The following CCDC82 variants were observed in gnomAD, a reference collection of about 807,000 sequenced individuals.
The protein encoded by CCDC82 is coiled-coil domain containing 82, also known as coiled-coil domain-containing protein 82.
CCDC82 carries 47 observed loss-of-function variants against 60.6 expected under a neutral mutation model. The ratio of observed to expected loss-of-function variants is 0.77; its 90% confidence interval spans 0.61 to 0.99. The LOEUF (loss-of-function observed/expected upper bound fraction) is 0.99, where lower values mean the gene tolerates loss of function less well. Ranked by LOEUF, CCDC82 falls within the 50% of genes least tolerant of loss-of-function variation. The probability of loss-of-function intolerance (pLI) is 0.00; values close to 1 mark genes in which losing one functional copy is unlikely to be tolerated. For missense variants in CCDC82, 588 were observed against 633.0 expected, an observed-to-expected ratio of 0.93 and a Z score of 0.76; for synonymous variants, 212 against 207.4, an observed-to-expected ratio of 1.02 and a Z score of -0.19.
chr11:96,371,126 G>T lies in CCDC82; in HGVS notation c.1096C>A (p.Gln366Lys). 6.3e-7 allele frequency: 1 copy of T among 1,589,114 alleles called. No individual in the cohort carries two copies. Among genetic ancestry groups the T allele is most frequent in the South Asian group, 1.2e-5 (1 of 84,858 alleles). The change falls in exon 7 of 10, where the codon CAA becomes AAA. Residue 366 changes from glutamine (Q) to lysine (K), a missense_variant. Physicochemically the swap from Gln to Lys is moderately conservative, Grantham distance 53 (BLOSUM62 1). Coordinates refer to ENST00000646818, the MANE Select transcript of CCDC82 (RefSeq NM_024725.4). The stretch of plus-strand genomic sequence containing the variant: ...AGCATATCTTTTGCATATGATTTTT[G>T]CCTTGTGCCATCTGTTCAGGGGATA... ...FLGTLYDGTR[Q>K]KSYAKDMLTS...
At chr11:96,374,825 A>T (rs1489551252) in intron 5 of CCDC82, among the ~76,000 whole-genome samples, 1 of 152,162 alleles carries the variant, frequency 6.6e-6, no homozygotes. Flanking sequence ...GATATGTTAT[A>T]AGCAAGTAAT....
intron 9 of CCDC82, chr11:96,356,556 T>C (rs1346629396): frequency 2.0e-6 from 2 of 985,288 alleles, no homozygotes; most frequent in East Asian, 1.1e-4. Flanking sequence ...ATACACTTTC[T>C]TCTTAATGAA....
chr11:96,369,580 G>A (rs1692133464), intron 7 of CCDC82, among the ~76,000 whole-genome samples: 1 of 152,122 alleles, frequency 6.6e-6, no homozygotes, highest in Admixed American at 6.6e-5. Flanking sequence ...TGTAAATTAA[G>A]TTCACTATTA....
At chr11:96,377,659 T>A (rs1419695731) in intron 5 of CCDC82, among the ~76,000 whole-genome samples, 5 of 152,098 alleles carry the variant, frequency 3.3e-5, no homozygotes, top group Non-Finnish European at 7.4e-5. Context: ...TATATGACTT[T>A]TTCTCTATTG....
In CCDC82 at chr11:96,380,131, A is replaced by G. The variant is rs78675708; in HGVS notation, c.991+3138T>C. On this transcript the variant is annotated intron_variant, in intron 5 of 9. Coordinates refer to ENST00000646818, the MANE Select transcript of CCDC82 (RefSeq NM_024725.4). ...TATTTTGGCAATTAGGAGGGTATCA[A>G]TAACTTCAGTAAGAACAATTTCACT... Among the ~76,000 whole-genome samples the G allele has an allele frequency of 5.3e-3, 798 of 151,898 alleles. 9 individuals are homozygous for G. The highest frequency in any genetic ancestry group is 0.018 in the African/African-American group (763 of 41,512).
At position 96,371,059 on chromosome 11, in the gene CCDC82, C is replaced by T. The variant is rs751861324; in HGVS notation, c.1163G>A (p.Arg388His). The T allele has an allele frequency of 1.1e-5, 18 of 1,606,102 alleles. No homozygotes were observed. The highest frequency in any genetic ancestry group is 2.7e-5 in the African/African-American group (2 of 74,474). ...HYLDNRFVQP[R>H]LESLVSRSRW... The stretch of plus-strand genomic sequence containing the variant: ...ACTTCTAGATACCAAGCTCTCTAGA[C>T]GAGGCTGAACAAAGCGGTTATCCAA... Residue 388 changes from arginine to histidine, a missense_variant, in exon 7 of 10, where the codon CGT becomes CAT. Physicochemically the swap from Arg to His is conservative, Grantham distance 29. Coordinates refer to ENST00000646818, the MANE Select transcript of CCDC82 (RefSeq NM_024725.4).
rs1007671367 is a variant in CCDC82, at chr11:96,353,621, A to G, written c.*25T>C. The G allele has an allele frequency of 1.9e-6, 3 of 1,548,302 alleles. No individual in the cohort carries two copies. The African/African-American group carries it at 4.1e-5, about 21-fold the overall frequency. The stretch of plus-strand genomic sequence containing the variant: ...TGATCTTCACATTTACAGGAATTTA[A>G]AAAATCTTCTCTGATGGAAATGTGT... On this transcript the variant is annotated 3_prime_UTR_variant, in exon 10 of 10. Coordinates refer to ENST00000646818, the MANE Select transcript of CCDC82 (RefSeq NM_024725.4).
chr11:96,362,094 GAAGA>G (rs1244413459), intron 8 of CCDC82, among the ~76,000 whole-genome samples: 3 of 152,162 alleles, frequency 2.0e-5, no homozygotes, highest in South Asian at 2.1e-4. Flanking sequence ...TGCTAAAGCA[GAAGA>G]AAGAATCTCA....
chr11:96,359,235 T>C, intron 8 of CCDC82, 57 bp from the exon 9 acceptor site: 1 of 1,394,042 alleles, frequency 7.2e-7, no homozygotes, highest in South Asian at 1.6e-5. Context: ...TTTCTGGTTT[T>C]TGGATTTTCT....
chr11:96,372,711 C>T (rs1344948377), intron 6 of CCDC82, among the ~76,000 whole-genome samples: 1 of 140,172 alleles, frequency 7.1e-6, no homozygotes, highest in Non-Finnish European at 1.5e-5. Flanking sequence ...TATATATATA[C>T]ATATATATTT....
intron 6 of CCDC82, among the ~76,000 whole-genome samples, chr11:96,372,621 GAT>G (rs984049971): frequency 1.8e-4 from 26 of 141,252 alleles, no homozygotes; most frequent in African/African-American, 2.6e-4. Context: ...GAGAAATGGG[GAT>G]ATATATATAT....
intron 1 of CCDC82, 146 bp downstream of exon 1, chr11:96,389,698 G>C (rs1050305191): frequency 6.6e-6 from 1 of 152,424 alleles, no homozygotes; most frequent in Non-Finnish European, 1.5e-5. Flanking sequence ...GGCGTTCTCC[G>C]GCCCACCCAA....
At chr11:96,358,135 C>T in intron 9 of CCDC82, 1 of 986,256 alleles carries the variant, frequency 1.0e-6, no homozygotes, top group Non-Finnish European at 1.2e-6. Context: ...TACAAATTTC[C>T]CTATGATATA....
At chr11:96,378,771 G>C (rs1039334639) in intron 5 of CCDC82, among the ~76,000 whole-genome samples, 2 of 151,816 alleles carry the variant, frequency 1.3e-5, no homozygotes, top group Non-Finnish European at 2.9e-5. Flanking sequence ...GCATGCAATG[G>C]ACCACTGCTA....
intron 6 of CCDC82, among the ~76,000 whole-genome samples, chr11:96,372,135 C>A (rs1300460997): frequency 6.6e-6 from 1 of 152,076 alleles, no homozygotes; most frequent in East Asian, 1.9e-4. Context: ...TTCTTGAACA[C>A]ACCAAACTTA....
At chr11:96,366,997 T>A (rs1056972046) in intron 7 of CCDC82, among the ~76,000 whole-genome samples, 1 of 152,214 alleles carries the variant, frequency 6.6e-6, no homozygotes, top group Non-Finnish European at 1.5e-5. Flanking sequence ...CTAAAATGTA[T>A]GTAATTTAAA....
chr11:96,376,131 T>C (rs1013018595), intron 5 of CCDC82, among the ~76,000 whole-genome samples: 2 of 152,242 alleles, frequency 1.3e-5, no homozygotes, highest in East Asian at 1.9e-4. Context: ...AATTTCCTTA[T>C]AGCCAATCAT....
chr11:96,354,440 A>G (rs1565295479), intron 9 of CCDC82: 1 of 152,238 alleles, frequency 6.6e-6, no homozygotes, highest in Admixed American at 6.5e-5. Context: ...TACTGGTTAA[A>G]GAATTGAACA....
intron 5 of CCDC82, chr11:96,382,472 A>G (rs1229389407): frequency 2.0e-5 from 3 of 151,736 alleles, no homozygotes; most frequent in Non-Finnish European, 4.4e-5. Flanking sequence ...ATATATAATG[A>G]AATATGTCAA....
Sources: allele counts gnomAD v4.1 joint callset (sites outside exome capture counted in the v4.1 genomes callset), GRCh38; gene constraint gnomAD v4.1.1; transcripts MANE v1.5; gene names NCBI Gene and HGNC (gene_info 2026-07-23, HGNC 2026-07-21).